Variants in NUP210 observed in about 807,000 individuals in gnomAD.
NUP210 encodes the protein nucleoporin 210, also known as nuclear pore membrane glycoprotein 210.
Under a neutral mutation model 196.0 loss-of-function variants are expected in NUP210, and 151 were observed. That is an observed-to-expected ratio of 0.77 (90% CI 0.67 to 0.88). The LOEUF is 0.88. Among genes scored for constraint, NUP210 ranks in the 40% least tolerant of loss-of-function variants. The pLI is 0.00. For missense variants in NUP210, 2,314 were observed against 2,493.7 expected (o/e 0.93, Z 1.53); for synonymous variants, 1,070 against 1,052.7 (o/e 1.02, Z -0.32).
intron 20 of NUP210, among the ~76,000 whole-genome samples, chr3:13,344,490 T>G (rs181901979): frequency 5.3e-5 from 8 of 151,930 alleles, no homozygotes; most frequent in Admixed American, 3.3e-4. Context: ...AGTAAGCACT[T>G]CAGGGTTTGC....
chr3:13,393,107 C>A (rs1699544146), intron 3 of NUP210, among the ~76,000 whole-genome samples: 1 of 152,206 alleles, frequency 6.6e-6, no homozygotes, highest in Non-Finnish European at 1.5e-5. Context: ...GGGGCTTCCA[C>A]CCAGCTCAGC....
intron 25 of NUP210, 149 bp from the exon 26 acceptor site, chr3:13,338,066 G>A: frequency 1.4e-6 from 1 of 719,200 alleles, no homozygotes; most frequent in South Asian, 1.8e-5. Flanking sequence ...CCTCTGCCGA[G>A]GGAGGCCTGG....
At position 13,372,034 on chromosome 3, in the gene NUP210, T is replaced by G. The variant is rs1413132555; in HGVS notation, c.1588-2A>C. The G allele has an allele frequency of 6.4e-7, 1 of 1,567,278 alleles. No homozygotes were observed. Among genetic ancestry groups the G allele is most frequent in the Non-Finnish European group, 8.7e-7 (1 of 1,154,264 alleles). ...GCTGTGGGGCTCGATCACATACACC[T>G]GGAAGACAGGGGCATGGCCTGGGCT... On this transcript the variant is annotated splice_acceptor_variant, in intron 12 of 39. Coordinates refer to ENST00000254508, the MANE Select transcript of NUP210 (RefSeq NM_024923.4). LOFTEE classifies it high-confidence loss of function.
intron 1 of NUP210, 138 bp downstream of exon 1, chr3:13,419,922 G>T: frequency 2.5e-6 from 1 of 395,106 alleles, no homozygotes; most frequent in Non-Finnish European, 3.6e-6. Flanking sequence ...CCGCCGCTCC[G>T]AGTGCTGCAG....
At chr3:13,390,633 G>A (rs1699456977) in intron 4 of NUP210, among the ~76,000 whole-genome samples, 1 of 152,166 alleles carries the variant, frequency 6.6e-6, no homozygotes, top group East Asian at 1.9e-4. Context: ...CTCCAGCTCT[G>A]TCCTCCCGGA....
intron 12 of NUP210, 97 bp downstream of exon 12, chr3:13,373,621 G>T: frequency 1.6e-6 from 2 of 1,267,834 alleles, no homozygotes; most frequent in Non-Finnish European, 2.3e-6. Context: ...ACCCAAGGTT[G>T]GGGGTGTTTC....
chr3:13,413,971 T>C (rs1700260825), intron 1 of NUP210, among the ~76,000 whole-genome samples: 1 of 152,216 alleles, frequency 6.6e-6, no homozygotes. Context: ...AGAGTGAATT[T>C]TTCTCATTCC....
At chr3:13,399,606 C>A (rs1401052072) in intron 2 of NUP210, 119 bp downstream of exon 2, 3 of 1,363,176 alleles carry the variant, frequency 2.2e-6, no homozygotes, top group Admixed American at 1.9e-5. Context: ...GGGTGTCCTG[C>A]CACTCAACAA....
At chr3:13,407,459 C>T (rs992710202) in intron 1 of NUP210, among the ~76,000 whole-genome samples, 4 of 152,138 alleles carry the variant, frequency 2.6e-5, no homozygotes, top group East Asian at 1.9e-4. Context: ...TCCTTAAAGC[C>T]TGAATCAAAG....
intron 13 of NUP210, 85 bp downstream of exon 13, chr3:13,371,749 T>C (rs1157665045): frequency 9.4e-6 from 12 of 1,278,140 alleles, no homozygotes; most frequent in Non-Finnish European, 9.9e-6. Flanking sequence ...GCCCTCTCTT[T>C]GGGAATCTGG....
chr3:13,335,364 C>A, intron 28 of NUP210, 90 bp downstream of exon 28: 2 of 1,463,516 alleles, frequency 1.4e-6, no homozygotes, highest in Admixed American at 1.8e-5. Flanking sequence ...TCTCTCAGCC[C>A]CTGCCCATGC....
chr3:13,374,130 T>C (rs1469266535), intron 11 of NUP210, among the ~76,000 whole-genome samples: 2 of 151,882 alleles, frequency 1.3e-5, no homozygotes, highest in East Asian at 3.9e-4. Context: ...GTACACCTAC[T>C]CACCTGCTCA....
intron 1 of NUP210, among the ~76,000 whole-genome samples, chr3:13,411,120 T>A (rs1009439017): frequency 2.6e-5 from 4 of 152,012 alleles, no homozygotes; most frequent in Admixed American, 2.0e-4. Flanking sequence ...TAGTCCCAAC[T>A]ACTCTAAAGG....
At chr3:13,400,039 T>G (rs1370913055) in intron 1 of NUP210, among the ~76,000 whole-genome samples, 178 bp from the exon 2 acceptor site, 1 of 152,124 alleles carries the variant, frequency 6.6e-6, no homozygotes, top group African/African-American at 2.4e-5. Flanking sequence ...TGCCAAGGCC[T>G]CTCCAGTTAA....
At chr3:13,330,755 A>G in intron 29 of NUP210, 121 bp from the exon 30 acceptor site, 1 of 955,368 alleles carries the variant, frequency 1.0e-6, no homozygotes, top group Non-Finnish European at 1.5e-6. Context: ...AAAAGGCCCA[A>G]TCTTGGCCCC....
At chr3:13,380,303 A>T (rs1244113371) in intron 6 of NUP210, among the ~76,000 whole-genome samples, 1 of 152,146 alleles carries the variant, frequency 6.6e-6, no homozygotes, top group African/African-American at 2.4e-5. Context: ...ATCGATGTAC[A>T]TCTTCCTTGC....
chr3:13,403,692 G>A (rs1052212788), intron 1 of NUP210, among the ~76,000 whole-genome samples: 2 of 152,164 alleles, frequency 1.3e-5, no homozygotes, highest in South Asian at 2.1e-4. Context: ...GGGAGGCAGC[G>A]GGTGCTAAAT....
At chr3:13,372,511 G>A (rs1033250650) in intron 12 of NUP210, among the ~76,000 whole-genome samples, 5 of 152,228 alleles carry the variant, frequency 3.3e-5, no homozygotes, top group Admixed American at 6.5e-5. Flanking sequence ...GTGGTGAGGA[G>A]GCTGTTGGAA....
rs781100668 is a variant in NUP210 at position 13,329,306 on chromosome 3, G to A, written c.4111-360C>T. Among the ~76,000 whole-genome samples, 99 of 152,276 alleles carry A rather than the reference G, an allele frequency of 6.5e-4. 1 individual carries two copies. The highest frequency in any genetic ancestry group is 4.8e-3 in the Admixed American group (74 of 15,300). On this transcript the variant is annotated intron_variant, in intron 30 of 39. Coordinates refer to ENST00000254508, the MANE Select transcript of NUP210 (RefSeq NM_024923.4). Reference sequence around the variant, plus strand: ...TGGCTCTTGGGGCATTTAAAGAAACGAAATCCTCCTCGATCGCAGGGGCAG... The same window carrying A: ...TGGCTCTTGGGGCATTTAAAGAAACAAAATCCTCCTCGATCGCAGGGGCAG...
Sources: allele counts gnomAD v4.1 joint callset (sites outside exome capture counted in the v4.1 genomes callset), GRCh38; gene constraint gnomAD v4.1.1; transcripts MANE v1.5; gene names NCBI Gene and HGNC (gene_info 2026-07-23, HGNC 2026-07-21).